CNPY1: variants seen among roughly 807,000 people sequenced by gnomAD.
CNPY1 encodes protein canopy homolog 1.
CNPY1 carries 14 observed loss-of-function variants against 14.4 expected under a neutral mutation model. The observed-to-expected ratio is 0.97, with a 90% CI of 0.64 to 1.52. The LOEUF (loss-of-function observed/expected upper bound fraction) is 1.52, where lower values mean the gene tolerates loss of function less well. CNPY1 is among the 40% of genes most tolerant of loss of function. The pLI, the probability that CNPY1 is intolerant of heterozygous loss-of-function variation, is 0.00. For synonymous variants in CNPY1, 43 were observed against 46.5 expected (o/e 0.92, Z 0.31); for missense variants, 129 against 131.5 (o/e 0.98, Z 0.09).
intron 3 of CNPY1, among the ~76,000 whole-genome samples, chr7:155,508,023 C>T (rs1796388152): frequency 6.6e-6 from 1 of 152,188 alleles, no homozygotes; most frequent in South Asian, 2.1e-4. Flanking sequence ...ACTTTTAACC[C>T]TGATTATTGC....
chr7:155,519,220 C>T (rs1796674047), intron 2 of CNPY1, among the ~76,000 whole-genome samples: 1 of 152,126 alleles, frequency 6.6e-6, no homozygotes, highest in Admixed American at 6.5e-5. Context: ...CCATCTTTGC[C>T]AGACTGGAAA....
At chr7:155,538,950 C>T (rs949470509) in intron 2 of CNPY1, among the ~76,000 whole-genome samples, 2 of 152,150 alleles carry the variant, frequency 1.3e-5, no homozygotes, top group Non-Finnish European at 2.9e-5. Flanking sequence ...AATGCTGATC[C>T]AAAGGAGACC....
At chr7:155,504,697 C>A (rs1051603973) in intron 4 of CNPY1, among the ~76,000 whole-genome samples, 2 of 63,546 alleles carry the variant, frequency 3.1e-5, no homozygotes, top group Admixed American at 2.1e-4. Flanking sequence ...CCAACACACA[C>A]ACACACACAC....
At chr7:155,546,347 G>A (rs1030088384) in intron 1 of CNPY1, 82 bp downstream of exon 1, 14 of 367,646 alleles carry the variant, frequency 3.8e-5, no homozygotes, top group East Asian at 1.1e-4. Flanking sequence ...CGCCACACCC[G>A]GCTAATTTTT....
chr7:155,534,337 AG>A (rs1796996037), intron 2 of CNPY1, among the ~76,000 whole-genome samples: 5 of 79,052 alleles, frequency 6.3e-5, no homozygotes, highest in Non-Finnish European at 1.3e-4. Context: ...ACACGTGCAC[AG>A]AGGCACACAT....
At chr7:155,508,690 C>T (rs1322603334) in intron 3 of CNPY1, among the ~76,000 whole-genome samples, 2 of 152,218 alleles carry the variant, frequency 1.3e-5, no homozygotes, top group Admixed American at 1.3e-4. Flanking sequence ...GCCACAACCC[C>T]TTAGGTGTCT....
intron 2 of CNPY1, among the ~76,000 whole-genome samples, chr7:155,524,079 GCCCCACGAGGGAATCATTTCTGCGTAAGA>G (rs1249649924): frequency 2.0e-5 from 3 of 152,212 alleles, no homozygotes; most frequent in Non-Finnish European, 2.9e-5. Flanking sequence ...TCTGGCCTTT[GCCCCACGAGGGAATCATTTCTGCGTAAGA>G]CATCTGGATT....
chr7:155,530,999 C>T (rs546892170), intron 2 of CNPY1, among the ~76,000 whole-genome samples: 14 of 152,370 alleles, frequency 9.2e-5, no homozygotes, highest in African/African-American at 1.9e-4. Flanking sequence ...TCTCCTGGGA[C>T]GAAGGCTGTC....
chr7:155,523,432 T>C (rs1460137335), intron 2 of CNPY1, among the ~76,000 whole-genome samples: 1 of 152,168 alleles, frequency 6.6e-6, no homozygotes, highest in African/African-American at 2.4e-5. Context: ...TCTTCATTAT[T>C]ATCTGGAGGG....
chr7:155,544,519 G>A (rs1797136303), intron 2 of CNPY1, among the ~76,000 whole-genome samples: 1 of 152,180 alleles, frequency 6.6e-6, no homozygotes, highest in African/African-American at 2.4e-5. Flanking sequence ...AAGCTATGCT[G>A]GCTGGCACAC....
rs539901499 is a variant in CNPY1, at chr7:155,542,852, C to T, written c.99+2979G>A. On this transcript the variant is annotated intron_variant, in intron 2 of 4. Coordinates refer to ENST00000636446, the MANE Select transcript of CNPY1 (RefSeq NM_001393663.1). ...CAAGGGAGGCCTGGCCTGAGAGAAG[C>T]TGGTTTGCACATCTCCCCTGTCCAC... Among the ~76,000 whole-genome samples the T allele has an allele frequency of 9.2e-5, 14 of 152,358 alleles. No homozygotes were observed. The East Asian group carries it at 2.5e-3, about 27-fold the overall frequency.
rs985561933 is a variant in CNPY1, at chr7:155,502,720, G to A, written c.*348C>T. ...GCGCTTGCATATGTGCACATACACTGTTATAAAATAAGCAGCATACATTAT... is the reference window on the plus strand; with the variant it reads ...GCGCTTGCATATGTGCACATACACTATTATAAAATAAGCAGCATACATTAT... On this transcript the variant is annotated 3_prime_UTR_variant, in exon 5 of 5. Coordinates refer to ENST00000636446, the MANE Select transcript of CNPY1 (RefSeq NM_001393663.1). 6 of 263,954 alleles carry A rather than the reference G, an allele frequency of 2.3e-5. No individual in the cohort carries two copies. The highest frequency in any genetic ancestry group is 4.3e-5 in the Non-Finnish European group (6 of 137,970). The allele number at this position is 263,954 out of a possible 1,614,324, so 16.4% of individuals were successfully genotyped here.
chr7:155,538,824 C>T (rs560583504), intron 2 of CNPY1, among the ~76,000 whole-genome samples: 1 of 152,370 alleles, frequency 6.6e-6, no homozygotes, highest in South Asian at 2.1e-4. Flanking sequence ...CTCAACTCAC[C>T]CTTCACTCTC....
intron 2 of CNPY1, among the ~76,000 whole-genome samples, chr7:155,544,715 C>T (rs1303971963): frequency 1.3e-5 from 2 of 152,208 alleles, no homozygotes; most frequent in South Asian, 2.1e-4. Flanking sequence ...GGGGTGCAGG[C>T]GTCAGACCTG....
At chr7:155,524,144 G>A (rs1165659990) in intron 2 of CNPY1, among the ~76,000 whole-genome samples, 1 of 152,358 alleles carries the variant, frequency 6.6e-6, no homozygotes, top group East Asian at 1.9e-4. Context: ...GGAAGCCGGA[G>A]GTGCTAACGG....
chr7:155,545,096 G>A (rs559530515), intron 2 of CNPY1, among the ~76,000 whole-genome samples: 12 of 152,326 alleles, frequency 7.9e-5, no homozygotes, highest in African/African-American at 2.4e-4. Context: ...CAGGTGCAGT[G>A]CATCACAACA....
intron 2 of CNPY1, among the ~76,000 whole-genome samples, chr7:155,525,284 G>T (rs1796799797): frequency 6.6e-6 from 1 of 152,058 alleles, no homozygotes; most frequent in East Asian, 1.9e-4. Context: ...GGGTTCAAGC[G>T]ATTCTCCTGC....
At position 155,507,471 on chromosome 7, in the gene CNPY1, T is replaced by TAAAAAAAAAA. The variant is rs35711313; in HGVS notation, c.304-365_304-356dup. Among the ~76,000 whole-genome samples, 297 of 54,090 alleles carry TAAAAAAAAAA rather than the reference T, an allele frequency of 5.5e-3. 33 individuals carry two copies. The highest frequency in any genetic ancestry group is 0.021 in the African/African-American group (209 of 10,094). 35.5% of individuals were successfully genotyped at this position (54,090 alleles called of 152,430 possible). ...CTGAAAAGTCCAACGGTTTTTAAACTAAAAAAAAAAAAAAAAAAAAAAAAA... is the reference window on the plus strand; with the variant it reads ...CTGAAAAGTCCAACGGTTTTTAAACTAAAAAAAAAAAAAAAAAAAAAAAAAAAAAAAAAAA... On this transcript the variant is annotated intron_variant, in intron 3 of 4. Transcript: ENST00000636446.
rs764841901 is a variant in CNPY1, at chr7:155,503,080, A to C, written c.426T>G (p.His142Gln). The C allele has an allele frequency of 6.2e-7, 1 of 1,607,564 alleles. No homozygotes were observed. Among genetic ancestry groups the C allele is most frequent in the South Asian group, 1.1e-5 (1 of 90,912 alleles). ...KSDLCETSANHTEL is the reference protein window; with the variant it reads ...KSDLCETSANQTEL Reference sequence around the variant, plus strand: ...CAGAACGGCACTCCTAGAGCTCAGTATGATTAGCAGAAGTTTCACACAGAT... The same window carrying C: ...CAGAACGGCACTCCTAGAGCTCAGTCTGATTAGCAGAAGTTTCACACAGAT... The change falls in exon 5 of 5, where the codon CAT (histidine) becomes CAG (glutamine). Residue 142 changes from histidine (H) to glutamine (Q), a missense_variant. By Grantham distance (24) the His-to-Gln change is conservative. Transcript: ENST00000636446.
Sources: allele counts gnomAD v4.1 joint callset (sites outside exome capture counted in the v4.1 genomes callset), GRCh38; gene constraint gnomAD v4.1.1; transcripts MANE v1.5; gene names NCBI Gene and HGNC (gene_info 2026-07-23, HGNC 2026-07-21).